Variants in ETS1 observed in about 807,000 individuals in gnomAD.
ETS1 encodes the protein ETS proto-oncogene 1, transcription factor.
Under a neutral mutation model 58.6 loss-of-function variants are expected in ETS1, and 15 were observed. That is an observed-to-expected ratio of 0.26 (90% CI 0.17 to 0.39). The LOEUF (loss-of-function observed/expected upper bound fraction) is 0.39. Among genes scored for constraint, ETS1 ranks in the 10% least tolerant of loss-of-function variants. ETS1 has a pLI of 1.00. For missense variants in ETS1, 417 were observed against 610.5 expected (o/e 0.68, Z 3.34); for synonymous variants, 214 against 218.2 (o/e 0.98, Z 0.17).
rs1451466849 is a variant in ETS1, at chr11:128,490,594, A to G, written c.215-18T>C. 1 of 1,601,840 alleles carries G rather than the reference A, an allele frequency of 6.2e-7. No homozygotes were observed. The highest frequency in any genetic ancestry group is 8.6e-7 in the Non-Finnish European group (1 of 1,169,550). ...TTCCATATCTGCATGAAAAAATTGC[A>G]TATGAATAACAAAAATTACATAGGT... On this transcript the variant is annotated intron_variant, in intron 3 of 9. Transcript: ENST00000392668.
chr11:128,465,898 T>G (rs941249720), intron 8 of ETS1, among the ~76,000 whole-genome samples: 1 of 152,198 alleles, frequency 6.6e-6, no homozygotes, highest in African/African-American at 2.4e-5. Flanking sequence ...CAAGGCCATT[T>G]AGATCAGCAG....
intron 3 of ETS1, among the ~76,000 whole-genome samples, chr11:128,502,011 G>A (rs1400303466): frequency 6.6e-6 from 1 of 152,048 alleles, no homozygotes; most frequent in African/African-American, 2.4e-5. Context: ...GGGGTGGAGA[G>A]AGAGAGAGAG....
chr11:128,502,266 T>C (rs1243796157), intron 3 of ETS1, among the ~76,000 whole-genome samples: 1 of 152,222 alleles, frequency 6.6e-6, no homozygotes, highest in East Asian at 1.9e-4. Context: ...AGTTGCTTCT[T>C]AGCCTAGAGG....
At chr11:128,582,227 G>A (rs944094831) in intron 1 of ETS1, among the ~76,000 whole-genome samples, 7 of 152,162 alleles carry the variant, frequency 4.6e-5, no homozygotes, top group African/African-American at 1.7e-4. Flanking sequence ...CATACTATGG[G>A]TGAACGTAGA....
At chr11:128,564,285 G>T (rs1273369230) in intron 2 of ETS1, among the ~76,000 whole-genome samples, 1 of 152,188 alleles carries the variant, frequency 6.6e-6, no homozygotes, top group Non-Finnish European at 1.5e-5. Context: ...CTCTCAAAGG[G>T]CAATTTAATT....
rs1315102632 is a variant in ETS1 at position 128,463,101 on chromosome 11, C to T, written c.1242+408G>A. Among the ~76,000 whole-genome samples, 2 of 149,266 alleles carry T rather than the reference C, an allele frequency of 1.3e-5. No individual in the cohort carries two copies. The highest frequency in any genetic ancestry group is 5.0e-5 in the African/African-American group (2 of 40,348). The stretch of plus-strand genomic sequence containing the variant: ...TTTATCCTCAGAATTGGGCATGGCA[C>T]GGAACCACTACTCCATAAACATGTG... On this transcript the variant is annotated intron_variant, in intron 9 of 9. Transcript: ENST00000392668. The surrounding 1 kb of genome is among the most constrained non-coding windows in gnomAD (Gnocchi z 4.1).
chr11:128,474,925 C>T (rs1374484402), intron 8 of ETS1, among the ~76,000 whole-genome samples: 1 of 152,242 alleles, frequency 6.6e-6, no homozygotes, highest in African/African-American at 2.4e-5. Context: ...CTTCAGCAAG[C>T]CTGGAAGCCA....
chr11:128,461,807 C>T lies in ETS1; in HGVS notation c.*554G>A, dbSNP rs370028742. ...AATAAAATAAATTTTAACACAACAA[C>T]GGTTTTGGCCCCTCCCCACTGAAGT... On this transcript the variant is annotated 3_prime_UTR_variant, in exon 10 of 10. Transcript: ENST00000392668. 6.5e-6 allele frequency: 1 copy of T among 152,800 alleles called. No individual in the cohort carries two copies. Among genetic ancestry groups the T allele is most frequent in the African/African-American group, 2.4e-5 (1 of 41,410 alleles). 9.5% of individuals were successfully genotyped at this position (152,800 alleles called of 1,614,324 possible).
chr11:128,566,526 G>A (rs1274820823), intron 2 of ETS1, among the ~76,000 whole-genome samples: 5 of 152,158 alleles, frequency 3.3e-5, no homozygotes, highest in African/African-American at 4.8e-5. Flanking sequence ...GCTCACACCT[G>A]TAATCCCAGC....
At chr11:128,497,620 G>C (rs935536371) in intron 3 of ETS1, 1 of 983,478 alleles carries the variant, frequency 1.0e-6, no homozygotes, top group Non-Finnish European at 1.2e-6. Flanking sequence ...ACATGGTAGG[G>C]AAGCAGGAAA....
intron 3 of ETS1, 26 bp downstream of exon 3, chr11:128,556,265 T>C: frequency 1.3e-6 from 2 of 1,587,422 alleles, no homozygotes; most frequent in Non-Finnish European, 1.7e-6. Flanking sequence ...TCTATCCTCA[T>C]TCCCAGCTTT....
intron 8 of ETS1, among the ~76,000 whole-genome samples, chr11:128,474,700 C>G (rs767665062): frequency 6.6e-6 from 1 of 152,170 alleles, no homozygotes; most frequent in Non-Finnish European, 1.5e-5. Context: ...AACCCAGCAC[C>G]GTGAATGGAA....
intron 2 of ETS1, among the ~76,000 whole-genome samples, chr11:128,557,144 C>T (rs1336478690): frequency 6.6e-6 from 1 of 152,208 alleles, no homozygotes; most frequent in Non-Finnish European, 1.5e-5. Context: ...CAAATCCCAG[C>T]TCTATCACTT....
At chr11:128,555,507 G>A (rs1261974511) in intron 3 of ETS1, among the ~76,000 whole-genome samples, 1 of 151,962 alleles carries the variant, frequency 6.6e-6, no homozygotes, top group East Asian at 1.9e-4. Context: ...TAGCTATTTG[G>A]TATTCAAATA....
intron 2 of ETS1, among the ~76,000 whole-genome samples, chr11:128,568,103 A>G (rs913555255): frequency 6.6e-5 from 10 of 152,134 alleles, no homozygotes; most frequent in Admixed American, 4.6e-4. Context: ...CTGCCCGAGC[A>G]TGTTGTTCTA....
intron 2 of ETS1, among the ~76,000 whole-genome samples, chr11:128,572,746 T>C (rs1864662545): frequency 6.6e-6 from 1 of 152,224 alleles, no homozygotes; most frequent in Non-Finnish European, 1.5e-5. Flanking sequence ...TACCTCAATA[T>C]GTAAAAAATC....
At chr11:128,475,779 C>A (rs539636706) in intron 8 of ETS1, among the ~76,000 whole-genome samples, 60 of 152,178 alleles carry the variant, frequency 3.9e-4, no homozygotes, top group Non-Finnish European at 5.7e-4. Context: ...TCTCGATCTC[C>A]TGACCTCATG....
Position 128,462,436 on chromosome 11 carries a change from G to T in ETS1, c.1383C>A (p.Asp461Glu). The T allele has an allele frequency of 6.2e-7, 1 of 1,614,196 alleles. No individual in the cohort carries two copies. Among genetic ancestry groups the T allele is most frequent in the Non-Finnish European group, 8.5e-7 (1 of 1,180,052 alleles). The part of the protein sequence containing the change: ...GKRYVYRFVC[D>E]LQSLLGYTPE... ...GGGTGTACCCCAGCAGGCTCTGCAG[G>T]TCACACACAAAGCGGTACACGTAGC... The change falls in exon 10 of 10, where the codon GAC becomes GAA. Residue 461 changes from aspartate (D) to glutamate (E), a missense_variant. Physicochemically the swap from Asp to Glu is conservative, Grantham distance 45. Transcript: ENST00000392668.
intron 3 of ETS1, among the ~76,000 whole-genome samples, chr11:128,523,362 T>C (rs1225308497): frequency 6.6e-6 from 1 of 152,236 alleles, no homozygotes; most frequent in Non-Finnish European, 1.5e-5. Context: ...AGATAGTTTG[T>C]CCTAATTAAC....
Sources: gnomAD v4.1 joint callset for allele counts (sites outside exome capture counted in the v4.1 genomes callset) on GRCh38, gnomAD v4.1.1 for gene constraint, Gnocchi (gnomAD v3.1) non-coding constraint, MANE v1.5 for transcripts, NCBI Gene and HGNC (gene_info 2026-07-23, HGNC 2026-07-21) for gene names.